SRD5A2: variants seen among roughly 807,000 people sequenced by gnomAD.
SRD5A2 encodes the protein steroid 5 alpha-reductase 2.
A neutral mutation model predicts 27.4 loss-of-function variants in SRD5A2; 30 were observed. That is an observed-to-expected ratio of 1.10 (90% CI 0.82 to 1.49). The LOEUF is 1.49. SRD5A2 is among the 40% of genes most tolerant of loss of function. The pLI is 0.00. For synonymous variants in SRD5A2, 141 were observed against 133.6 expected, an observed-to-expected ratio of 1.06 and a Z score of -0.38; for missense variants, 348 against 323.4, an observed-to-expected ratio of 1.08 and a Z score of -0.58.
intron 1 of SRD5A2, among the ~76,000 whole-genome samples, chr2:31,571,628 A>G (rs1572654585): frequency 1.3e-5 from 2 of 152,348 alleles, no homozygotes; most frequent in East Asian, 3.9e-4. Flanking sequence ...GCATCTGACA[A>G]AGGTCTAATA....
At chr2:31,627,175 G>C in the SRD5A2 span, among the ~76,000 whole-genome samples, 1 of 152,090 alleles carries the variant, frequency 6.6e-6, no homozygotes, top group Admixed American at 6.6e-5. Flanking sequence ...TCTCATGGTA[G>C]TTTGTATTTC....
the SRD5A2 span, among the ~76,000 whole-genome samples, chr2:31,656,069 G>C: frequency 1.3e-5 from 2 of 152,192 alleles, no homozygotes; most frequent in East Asian, 1.9e-4. Flanking sequence ...AGTTCTCTCT[G>C]TGAAGCAGAA....
the SRD5A2 span, among the ~76,000 whole-genome samples, chr2:31,594,148 A>G: frequency 1.4e-4 from 22 of 152,304 alleles, no homozygotes; most frequent in Admixed American, 1.4e-3. Flanking sequence ...GAAAAATAAA[A>G]AAGATATTCA....
upstream of SRD5A2, among the ~76,000 whole-genome samples, chr2:31,584,770 G>A (rs1282934652): frequency 6.6e-6 from 1 of 152,236 alleles, no homozygotes; most frequent in Non-Finnish European, 1.5e-5. Flanking sequence ...AGGCTCCACT[G>A]ATTGTTTCCC....
chr2:31,633,861 C>CGAT, the SRD5A2 span, among the ~76,000 whole-genome samples: 1 of 152,100 alleles, frequency 6.6e-6, no homozygotes, highest in African/African-American at 2.4e-5. Flanking sequence ...CACACCTGAC[C>CGAT]AATCAGGTAG....
the SRD5A2 span, among the ~76,000 whole-genome samples, chr2:31,627,763 C>T: frequency 5.9e-5 from 9 of 152,138 alleles, no homozygotes; most frequent in African/African-American, 2.2e-4. Flanking sequence ...TTGATTCCCA[C>T]TTAATTGTAT....
chr2:31,603,071 C>T, the SRD5A2 span, among the ~76,000 whole-genome samples: 1 of 152,018 alleles, frequency 6.6e-6, no homozygotes, highest in East Asian at 1.9e-4. Context: ...CAAATGTTAT[C>T]TAATTAAACT....
chr2:31,567,392 T>C (rs1217683237), intron 1 of SRD5A2, among the ~76,000 whole-genome samples: 1 of 151,900 alleles, frequency 6.6e-6, no homozygotes, highest in Non-Finnish European at 1.5e-5. Flanking sequence ...TTGAAGTAAA[T>C]TACTATTCAG....
rs1275385062 is a variant in SRD5A2 at position 31,524,128 on chromosome 2, T to C, written c.*2068A>G. 1 of 222,912 alleles carries C rather than the reference T, an allele frequency of 4.5e-6. No homozygotes were observed. The highest frequency in any genetic ancestry group is 9.0e-6 in the Non-Finnish European group (1 of 111,582). 13.8% of individuals were successfully genotyped at this position (222,912 alleles called of 1,614,324 possible). On this transcript the variant is annotated 3_prime_UTR_variant, in exon 5 of 5. Transcript: ENST00000622030. ...TGAGACTGAGTACTGCCATTTATTG[T>C]ATATTTATTTCATCTCAAGGACCGG...
At chr2:31,618,591 A>G in the SRD5A2 span, among the ~76,000 whole-genome samples, 1 of 152,116 alleles carries the variant, frequency 6.6e-6, no homozygotes, top group Non-Finnish European at 1.5e-5. Flanking sequence ...GACATATACT[A>G]CATGATCTTA....
the SRD5A2 span, among the ~76,000 whole-genome samples, chr2:31,633,077 A>G: frequency 1.3e-5 from 2 of 152,110 alleles, no homozygotes; most frequent in Non-Finnish European, 2.9e-5. Context: ...CCAAGCAGAT[A>G]TTGAAGCCAA....
chr2:31,533,729 A>G lies in SRD5A2; in HGVS notation c.319T>C (p.Tyr107His). The G allele has an allele frequency of 6.2e-7, 1 of 1,602,528 alleles. No homozygotes were observed. The highest frequency in any genetic ancestry group is 1.1e-5 in the South Asian group (1 of 87,994). The change falls in exon 2 of 5, where the codon TAT becomes CAT. Residue 107 changes from tyrosine to histidine, a missense_variant. By Grantham distance (83) the Tyr-to-His change is moderately conservative. Transcript: ENST00000622030. ...CCTCTGAGAATGAGTATAGCTGGAT[A>G]AGGCCTCCCTCGATTGAGCAGTGAG... is the stretch of plus-strand genomic sequence containing the variant. ...VYSLLNRGRPYPAILILRGTA... is the reference protein window; with the variant it reads ...VYSLLNRGRPHPAILILRGTA...
chr2:31,556,282 G>A (rs1666493486), intron 1 of SRD5A2, among the ~76,000 whole-genome samples: 1 of 152,230 alleles, frequency 6.6e-6, no homozygotes, highest in Non-Finnish European at 1.5e-5. Context: ...CACAGAATGA[G>A]TCAGTGATGC....
intron 1 of SRD5A2, among the ~76,000 whole-genome samples, chr2:31,575,121 CT>C (rs1220212250): frequency 2.0e-5 from 3 of 151,494 alleles, no homozygotes; most frequent in African/African-American, 7.3e-5. Context: ...CTTGCTTGGG[CT>C]TTTTTTTTCT....
At chr2:31,645,079 A>G in the SRD5A2 span, among the ~76,000 whole-genome samples, 1 of 152,196 alleles carries the variant, frequency 6.6e-6, no homozygotes, top group African/African-American at 2.4e-5. Flanking sequence ...TGTCAGCTAT[A>G]ACCCTAATTC....
the SRD5A2 span, among the ~76,000 whole-genome samples, chr2:31,633,966 C>T: frequency 2.0e-5 from 3 of 152,090 alleles, no homozygotes; most frequent in Non-Finnish European, 2.9e-5. Context: ...TTTTTAAATG[C>T]TAATTAGGCA....
the SRD5A2 span, among the ~76,000 whole-genome samples, chr2:31,617,364 C>T: frequency 6.6e-6 from 1 of 152,088 alleles, no homozygotes; most frequent in Non-Finnish European, 1.5e-5. Flanking sequence ...GCCATTTTTT[C>T]CTCCTAGATC....
At chr2:31,566,994 C>T (rs562020811) in intron 1 of SRD5A2, among the ~76,000 whole-genome samples, 1 of 152,086 alleles carries the variant, frequency 6.6e-6, no homozygotes, top group Admixed American at 6.5e-5. Context: ...TCTTTATGTG[C>T]TACTTTTTAA....
chr2:31,642,822 T>A, the SRD5A2 span, among the ~76,000 whole-genome samples: 1 of 152,018 alleles, frequency 6.6e-6, no homozygotes. Flanking sequence ...TCCAACAACT[T>A]AGCCAAACTA....
Sources: gnomAD v4.1 joint callset for allele counts (sites outside exome capture counted in the v4.1 genomes callset) on GRCh38, gnomAD v4.1.1 for gene constraint, MANE v1.5 for transcripts, NCBI Gene and HGNC (gene_info 2026-07-23, HGNC 2026-07-21) for gene names.